The following MTBP variants were observed in gnomAD, a reference collection of about 807,000 sequenced individuals.
MTBP encodes MDM2 binding protein.
A neutral mutation model predicts 117.0 loss-of-function variants in MTBP; 101 were observed. The ratio of observed to expected loss-of-function variants is 0.86; its 90% CI spans 0.73 to 1.02. The LOEUF (loss-of-function observed/expected upper bound fraction) is 1.02. Ranked by LOEUF, MTBP falls within the 50% of genes least tolerant of loss-of-function variation. The pLI, the probability that MTBP is intolerant of heterozygous loss-of-function variation, is 0.00. For synonymous variants in MTBP, 350 were observed against 351.5 expected (o/e 1.00, Z 0.05); for missense variants, 970 against 1,030.9 (o/e 0.94, Z 0.81).
intron 11 of MTBP, among the ~76,000 whole-genome samples, chr8:120,485,152 A>G (rs1234690041): frequency 6.6e-6 from 1 of 152,214 alleles, no homozygotes; most frequent in Non-Finnish European, 1.5e-5. Flanking sequence ...AATTATTTTC[A>G]GTATAAATCT....
chr8:120,493,564 C>G (rs1408207953), intron 13 of MTBP, among the ~76,000 whole-genome samples: 2 of 151,836 alleles, frequency 1.3e-5, no homozygotes, highest in Non-Finnish European at 1.5e-5. Context: ...GATCTTGGCC[C>G]ACTGCAACTT....
Position 120,455,509 on chromosome 8 carries a change from G to C in MTBP, c.559G>C (p.Val187Leu), listed in dbSNP as rs1338964814. 2 of 1,607,554 alleles carry C rather than the reference G, an allele frequency of 1.2e-6. No homozygotes were observed. Among genetic ancestry groups the C allele is most frequent in the Non-Finnish European group, 8.5e-7 (1 of 1,175,318 alleles). ...PPKLKDYLPTVGALKHLREWY... is the reference protein window; with the variant it reads ...PPKLKDYLPTLGALKHLREWY... Reference sequence around the variant, plus strand: ...TAAATTGAAAGACTATTTACCTACTGTAGGAGCATTAAAACATTTGAGAGA... The same window carrying C: ...TAAATTGAAAGACTATTTACCTACTCTAGGAGCATTAAAACATTTGAGAGA... Residue 187 changes from valine to leucine, a missense_variant, in exon 6 of 22, where the codon GTA (valine) becomes CTA (leucine). Physicochemically the swap from Val to Leu is conservative, Grantham distance 32. Coordinates refer to ENST00000305949, the MANE Select transcript of MTBP (RefSeq NM_022045.5).
intron 2 of MTBP, among the ~76,000 whole-genome samples, chr8:120,449,862 G>C (rs1481212004): frequency 6.6e-6 from 1 of 152,120 alleles, no homozygotes; most frequent in African/African-American, 2.4e-5. Flanking sequence ...ACTTTGGTGA[G>C]TGTTCTTTCA....
At chr8:120,469,652 C>CA (rs1306029767) in intron 10 of MTBP, among the ~76,000 whole-genome samples, 2 of 152,176 alleles carry the variant, frequency 1.3e-5, no homozygotes, top group Non-Finnish European at 2.9e-5. Context: ...GAAAATTACT[C>CA]ACATTTGTTT....
At chr8:120,491,821 G>A (rs975672032) in intron 13 of MTBP, among the ~76,000 whole-genome samples, 1 of 152,074 alleles carries the variant, frequency 6.6e-6, no homozygotes, top group African/African-American at 2.4e-5. Context: ...CAGAAGAGCA[G>A]GGACCTCTCT....
rs748516450 is a variant in MTBP, at chr8:120,518,692, G to T, written c.2497-12G>T. ...CCAAGAAATATTCGTCATATGTTAT[G>T]TTCTGTTCAAGATACTGAAAGAAGT... On this transcript the variant is annotated splice_polypyrimidine_tract_variant and intron_variant, in intron 19 of 21. Transcript: ENST00000305949. 3 of 1,547,438 alleles carry T rather than the reference G, an allele frequency of 1.9e-6. No individual in the cohort carries two copies. The South Asian group carries it at 3.4e-5, about 18-fold the overall frequency.
chr8:120,502,643 G>A, intron 15 of MTBP, 34 bp downstream of exon 15: 1 of 1,257,482 alleles, frequency 8.0e-7, no homozygotes, highest in Non-Finnish European at 1.1e-6. Flanking sequence ...GCATGTGATA[G>A]CTCAGTAATT....
intron 17 of MTBP, 55 bp from the exon 18 acceptor site, chr8:120,515,870 A>C (rs1478310539): frequency 6.7e-7 from 1 of 1,484,072 alleles, no homozygotes. Context: ...TTGAAAGGGG[A>C]AAGTCTGTTG....
chr8:120,458,350 A>G (rs977697379), intron 7 of MTBP, among the ~76,000 whole-genome samples: 1 of 152,196 alleles, frequency 6.6e-6, no homozygotes, highest in Non-Finnish European at 1.5e-5. Context: ...AATAGTTCCT[A>G]TCGCATAGAT....
At chr8:120,467,600 T>A (rs1268474056) in intron 10 of MTBP, among the ~76,000 whole-genome samples, 1 of 152,160 alleles carries the variant, frequency 6.6e-6, no homozygotes, top group Non-Finnish European at 1.5e-5. Context: ...GGTGAGATTG[T>A]CTCAAAAAAA....
chr8:120,467,976 A>G (rs1191295479), intron 10 of MTBP, among the ~76,000 whole-genome samples: 2 of 152,224 alleles, frequency 1.3e-5, no homozygotes, highest in African/African-American at 4.8e-5. Context: ...TGAGAAAGCT[A>G]TAACTGGGAC....
intron 13 of MTBP, among the ~76,000 whole-genome samples, chr8:120,494,944 C>G (rs1020357312): frequency 1.3e-5 from 2 of 152,112 alleles, no homozygotes; most frequent in Non-Finnish European, 2.9e-5. Context: ...TTTTATTTCT[C>G]TATTGTTTTC....
At chr8:120,466,278 C>A (rs1189423171) in intron 10 of MTBP, among the ~76,000 whole-genome samples, 1 of 137,962 alleles carries the variant, frequency 7.2e-6, no homozygotes, top group African/African-American at 2.8e-5. Context: ...ATGGTGTGAT[C>A]TTGGCTCACT....
chr8:120,469,159 C>T (rs549702040), intron 10 of MTBP, among the ~76,000 whole-genome samples: 65 of 152,234 alleles, frequency 4.3e-4, no homozygotes, highest in Admixed American at 9.2e-4. Flanking sequence ...AATTCTCCTG[C>T]CTCAGCCTCC....
intron 13 of MTBP, among the ~76,000 whole-genome samples, chr8:120,493,932 A>AC (rs750294530): frequency 6.6e-6 from 1 of 152,226 alleles, no homozygotes; most frequent in East Asian, 1.9e-4. Context: ...GCACAAAAAG[A>AC]CAATGAACCT....
intron 20 of MTBP, among the ~76,000 whole-genome samples, chr8:120,522,292 A>G (rs13282160): frequency 0.25 from 4,019 of 16,278 alleles, 1,228 homozygotes; most frequent in Non-Finnish European, 0.42. Context: ...ACGGTGGAGG[A>G]TGGGAGAGTA....
intron 15 of MTBP, among the ~76,000 whole-genome samples, chr8:120,503,218 T>C (rs1195113114): frequency 2.0e-5 from 3 of 152,218 alleles, no homozygotes; most frequent in Non-Finnish European, 4.4e-5. Flanking sequence ...TTACTTGCTA[T>C]AGCTTTGTTT....
At chr8:120,457,784 C>T (rs1235660814) in intron 7 of MTBP, among the ~76,000 whole-genome samples, 3 of 151,716 alleles carry the variant, frequency 2.0e-5, no homozygotes, top group African/African-American at 7.3e-5. Context: ...ATTAGCCGGG[C>T]GTGGTGGCAG....
Position 120,490,468 on chromosome 8 carries a change from C to A in MTBP, c.1345C>A (p.Pro449Thr). The A allele has an allele frequency of 6.3e-7, 1 of 1,589,266 alleles. No homozygotes were observed. The highest frequency in any genetic ancestry group is 8.6e-7 in the Non-Finnish European group (1 of 1,166,170). Residue 449 changes from proline (P) to threonine (T), a missense_variant, in exon 13 of 22, where the codon CCT becomes ACT. Physicochemically the swap from Pro to Thr is conservative, Grantham distance 38. Coordinates refer to ENST00000305949, the MANE Select transcript of MTBP (RefSeq NM_022045.5). ...TTTTTTTTCTTATTTCTCAGGTTTTCCTTTTGACTTATTATCACTTCCACA... is the reference window on the plus strand; with the variant it reads ...TTTTTTTTCTTATTTCTCAGGTTTTACTTTTGACTTATTATCACTTCCACA... The part of the protein sequence containing the change: ...TKTEEAKLSF[P>T]FDLLSLPHFS...
Sources: allele counts gnomAD v4.1 joint callset (sites outside exome capture counted in the v4.1 genomes callset), GRCh38; gene constraint gnomAD v4.1.1; transcripts MANE v1.5; gene names NCBI Gene and HGNC (gene_info 2026-07-23, HGNC 2026-07-21).